The following TRPC5OS variants were observed in gnomAD, a reference collection of about 807,000 sequenced individuals.
The protein encoded by TRPC5OS is TRPC5 opposite strand.
For missense variants in TRPC5OS, 64 were observed against 79.3 expected, an observed-to-expected ratio of 0.81 and a Z score of 0.73; for synonymous variants, 30 against 29.3, an observed-to-expected ratio of 1.02 and a Z score of -0.08.
In TRPC5OS at chrX:111,901,676, G is replaced by T. The variant is rs1925352344; in HGVS notation, c.-174G>T. On this transcript the variant is annotated 5_prime_UTR_variant, in exon 4 of 4. Coordinates refer to ENST00000635763, the MANE Select transcript of TRPC5OS (RefSeq NM_001195578.2). ...ACCAACATCATCAAAAAGTTATATT[G>T]TTCTACTGTTCTCATTCTTTACTTG... 2 of 380,458 alleles carry T rather than the reference G, an allele frequency of 5.3e-6. No homozygotes were observed. The highest frequency in any genetic ancestry group is 6.1e-5 in the South Asian group (1 of 16,305). The allele number at this position is 380,458 out of a possible 1,213,427, so 31.4% of individuals were successfully genotyped here. A position where few individuals can be genotyped will look rare whatever the true frequency, so the allele number is the denominator to read the frequency against.
chrX:111,902,064 C>G lies in TRPC5OS; in HGVS notation c.215C>G (p.Ser72Ter). Residue 72 changes from serine (S) to a stop codon, truncating the protein, a stop_gained, in exon 4 of 4, where the codon TCA becomes TGA. Coordinates refer to ENST00000635763, the MANE Select transcript of TRPC5OS (RefSeq NM_001195578.2). LOFTEE classifies it low-confidence loss of function (END_TRUNC). Reference protein sequence around the residue: ...PDLPDLSDLDSILTPREDEDL... With the variant: ...PDLPDLSDLD The stretch of plus-strand genomic sequence containing the variant: ...CTCCCTGATCTCTCAGACTTAGACT[C>G]AATACTTACACCAAGAGAGGATGAA... The G allele has an allele frequency of 8.7e-7, 1 of 1,154,883 alleles. No homozygotes were observed. Among genetic ancestry groups the G allele is most frequent in the Non-Finnish European group, 1.1e-6 (1 of 872,293 alleles).
At chrX:111,883,324 G>A (rs1924321809) in intron 1 of TRPC5OS, among the ~76,000 whole-genome samples, 1 of 112,255 alleles carries the variant, frequency 8.9e-6, no homozygotes, top group Admixed American at 9.4e-5. Flanking sequence ...GACCTATTCA[G>A]GGCCAATGCC....
chrX:111,893,841 C>G lies in TRPC5OS; in HGVS notation c.-545-2110C>G, dbSNP rs139386858. 3.0e-3 allele frequency among the ~76,000 whole-genome samples: 339 copies of G among 111,490 alleles called. 5 individuals carry two copies. The highest frequency in any genetic ancestry group is 0.011 in the African/African-American group (332 of 30,700). ...TTTTTTTAAAGGCAAAAGTTTGTAGCTTTTTCAAAAAGAGTTTAAAGTGTA... is the reference window on the plus strand; with the variant it reads ...TTTTTTTAAAGGCAAAAGTTTGTAGGTTTTTCAAAAAGAGTTTAAAGTGTA... On this transcript the variant is annotated intron_variant, in intron 1 of 3. Transcript: ENST00000635763.
At chrX:111,876,988 C>T (rs1190211640) in intron 1 of TRPC5OS, among the ~76,000 whole-genome samples, 1 of 111,548 alleles carries the variant, frequency 9.0e-6, no homozygotes, top group Non-Finnish European at 1.9e-5. Flanking sequence ...GGAGTTCATT[C>T]TGTAAAACTT....
intron 1 of TRPC5OS, among the ~76,000 whole-genome samples, chrX:111,894,787 A>T (rs1376004335): frequency 9.0e-6 from 1 of 111,678 alleles, no homozygotes; most frequent in Non-Finnish European, 1.9e-5. Context: ...TTAAGGGTGC[A>T]TATCAATGCT....
intron 1 of TRPC5OS, among the ~76,000 whole-genome samples, chrX:111,895,669 A>T (rs1401040917): frequency 9.1e-6 from 1 of 109,634 alleles, no homozygotes; most frequent in Non-Finnish European, 1.9e-5. Context: ...TATTAGTATT[A>T]TTTTGGTATC....
chrX:111,883,407 C>T (rs1457029050), intron 1 of TRPC5OS, among the ~76,000 whole-genome samples: 1 of 112,430 alleles, frequency 8.9e-6, no homozygotes, highest in Non-Finnish European at 1.9e-5. Context: ...TCCCAGTCTA[C>T]TTAAGTCCTA....
chrX:111,889,341 A>G (rs1000213364), intron 1 of TRPC5OS, among the ~76,000 whole-genome samples: 13 of 112,216 alleles, frequency 1.2e-4, no homozygotes, highest in Admixed American at 9.4e-5. Context: ...GGACATATGT[A>G]TTTAACCTTG....
chrX:111,902,175 CA>C lies in TRPC5OS; in HGVS notation c.327del (p.Gly110ValfsTer14). On this transcript the variant is annotated frameshift_variant, in exon 4 of 4. Coordinates refer to ENST00000635763, the MANE Select transcript of TRPC5OS (RefSeq NM_001195578.2). LOFTEE classifies it high-confidence loss of function. Reference protein sequence around the residue: ...DTVSGINDDLTGD With the variant: ...DTVSGINDDLXGD ...GTCTCTGGTATAAATGATGACTTAA[CA>C]GGTGACTAAGACCCAATTTCTGCCC... is the stretch of plus-strand genomic sequence containing the variant. The C allele has an allele frequency of 8.9e-7, 1 of 1,121,482 alleles. No homozygotes were observed. Among genetic ancestry groups the C allele is most frequent in the Non-Finnish European group, 1.2e-6 (1 of 855,747 alleles). The allele number at this position is 1,121,482 out of a possible 1,213,427, so 92.4% of individuals were successfully genotyped here. A position where few individuals can be genotyped will look rare whatever the true frequency, so the allele number is the denominator to read the frequency against.
chrX:111,895,136 G>T (rs1456741617), intron 1 of TRPC5OS, among the ~76,000 whole-genome samples: 1 of 111,935 alleles, frequency 8.9e-6, no homozygotes, highest in Non-Finnish European at 1.9e-5. Flanking sequence ...AGTTTTACCA[G>T]TTAACAATTT....
intron 1 of TRPC5OS, among the ~76,000 whole-genome samples, chrX:111,878,297 C>T (rs988905557): frequency 2.8e-5 from 3 of 107,685 alleles, no homozygotes; most frequent in Non-Finnish European, 5.7e-5. Flanking sequence ...CTAGACCACA[C>T]TGTAGAAAAA....
At chrX:111,880,276 T>C (rs1219557041) in intron 1 of TRPC5OS, among the ~76,000 whole-genome samples, 1 of 112,142 alleles carries the variant, frequency 8.9e-6, no homozygotes, top group Non-Finnish European at 1.9e-5. Context: ...GTTGTGTCTA[T>C]ATGTGCTTGC....
chrX:111,896,157 C>A (rs1161696241), intron 2 of TRPC5OS, 61 bp downstream of exon 2: 2 of 110,803 alleles, frequency 1.8e-5, no homozygotes, highest in Non-Finnish European at 3.8e-5. Context: ...ATTTTAGTGT[C>A]TCCCAATGGC....
intron 3 of TRPC5OS, among the ~76,000 whole-genome samples, chrX:111,897,918 T>C (rs776395939): frequency 9.0e-6 from 1 of 111,052 alleles, no homozygotes; most frequent in African/African-American, 3.3e-5. Flanking sequence ...GGGATATAGA[T>C]AGGTGCATGA....
chrX:111,889,939 C>T (rs868148928), intron 1 of TRPC5OS, among the ~76,000 whole-genome samples: 2 of 110,718 alleles, frequency 1.8e-5, no homozygotes, highest in Non-Finnish European at 3.8e-5. Context: ...ACTCTGGGAA[C>T]GATAGTATGT....
chrX:111,880,384 G>A (rs376936179), intron 1 of TRPC5OS, among the ~76,000 whole-genome samples: 1 of 112,295 alleles, frequency 8.9e-6, no homozygotes, highest in East Asian at 2.8e-4. Flanking sequence ...TTCTAGTTCT[G>A]GTGCCCAGAT....
In TRPC5OS at chrX:111,881,146, GTTTATTTTATTTTATTTTAT is replaced by G. The variant is rs747702186; in HGVS notation, c.-546+4902_-546+4921del. Among the ~76,000 whole-genome samples, 18 of 101,152 alleles carry G rather than the reference GTTTATTTTATTTTATTTTAT, an allele frequency of 1.8e-4. No individual in the cohort carries two copies. In the South Asian group the frequency reaches 5.0e-3, roughly 28 times the overall value. The allele number at this position is 101,152 out of a possible 115,157, so 87.8% of individuals were successfully genotyped here. ...TGCTGTTGTTTTGTGATTTTCTTTT[GTTTATTTTATTTTATTTTAT>G]TTTATTTTATTTTATTTTATTTTAT... On this transcript the variant is annotated intron_variant, in intron 1 of 3. Coordinates refer to ENST00000635763, the MANE Select transcript of TRPC5OS (RefSeq NM_001195578.2).
intron 1 of TRPC5OS, among the ~76,000 whole-genome samples, chrX:111,895,159 A>G (rs143525209): frequency 0.014 from 1,605 of 111,824 alleles, 23 homozygotes; most frequent in African/African-American, 0.049. Flanking sequence ...CCAGCAATCT[A>G]TGAGAGTTCC....
rs965998502 is a variant in TRPC5OS, at chrX:111,896,443, A to G, written c.-363A>G. The G allele has an allele frequency of 9.1e-6, 1 of 109,523 alleles. No homozygotes were observed. Among genetic ancestry groups the G allele is most frequent in the Non-Finnish European group, 1.9e-5 (1 of 52,622 alleles). 9.0% of individuals were successfully genotyped at this position (109,523 alleles called of 1,213,427 possible). ...TCCTGTTTGGAAACAAAGTCTGCAAATTGTTTAATAGGCCGAGCCTTGATA... is the reference window on the plus strand; with the variant it reads ...TCCTGTTTGGAAACAAAGTCTGCAAGTTGTTTAATAGGCCGAGCCTTGATA... On this transcript the variant is annotated 5_prime_UTR_variant, in exon 3 of 4. Coordinates refer to ENST00000635763, the MANE Select transcript of TRPC5OS (RefSeq NM_001195578.2).
Sources: gnomAD v4.1 joint callset for allele counts (sites outside exome capture counted in the v4.1 genomes callset) on GRCh38, gnomAD v4.1.1 for gene constraint, MANE v1.5 for transcripts, NCBI Gene and HGNC (gene_info 2026-07-23, HGNC 2026-07-21) for gene names.